AP5Z1: variants seen among roughly 807,000 people sequenced by gnomAD.
AP5Z1 encodes the protein AP-5 complex subunit zeta-1.
A neutral mutation model predicts 83.0 loss-of-function variants in AP5Z1; 106 were observed. That is an observed-to-expected ratio of 1.28 (90% CI 1.09 to 1.50). The LOEUF (loss-of-function observed/expected upper bound fraction) is 1.50. Among genes scored for constraint, AP5Z1 ranks in the 40% most tolerant of loss-of-function variants. The pLI, the probability that AP5Z1 is intolerant of heterozygous loss-of-function variation, is 0.00. For synonymous variants in AP5Z1, 751 were observed against 514.1 expected (o/e 1.46, Z -6.23); for missense variants, 1,565 against 1,094.2 (o/e 1.43, Z -6.07).
At position 4,791,986 on chromosome 7, in the gene AP5Z1, C is replaced by T. The variant is rs573113917; in HGVS notation, c.*601C>T. On this transcript the variant is annotated 3_prime_UTR_variant, in exon 17 of 17. Transcript: ENST00000649063. ...CGCTTGTCAATGCCCCTTTTGATGC[C>T]CTTGAATAGCCTGAAGATGAAGGGG... The T allele has an allele frequency of 1.3e-5, 2 of 152,698 alleles. No homozygotes were observed. Among genetic ancestry groups the T allele is most frequent in the Admixed American group, 6.5e-5 (1 of 15,326 alleles). 9.5% of individuals were successfully genotyped at this position (152,698 alleles called of 1,614,324 possible).
chr7:4,786,348 A>G lies in AP5Z1; in HGVS notation c.1231A>G (p.Ile411Val), dbSNP rs1304223703. ...FHSPMLAFEF[I>V]QFCRDNLHLF... ...CAGCCCCATGCTGGCCTTTGAATTC[A>G]TCCAGTTCTGCAGGGACAACCTCCA... Residue 411 changes from isoleucine (I) to valine (V), a missense_variant, in exon 10 of 17, where the codon ATC (isoleucine) becomes GTC (valine). Physicochemically the swap from Ile to Val is conservative, Grantham distance 29. Transcript: ENST00000649063. 1 of 1,613,888 alleles carries G rather than the reference A, an allele frequency of 6.2e-7. No homozygotes were observed. Among genetic ancestry groups the G allele is most frequent in the East Asian group, 2.2e-5 (1 of 44,874 alleles).
intron 3 of AP5Z1, among the ~76,000 whole-genome samples, chr7:4,782,085 C>T (rs918687405): frequency 2.8e-4 from 42 of 152,330 alleles, no homozygotes; most frequent in Admixed American, 7.8e-4. Flanking sequence ...CAGGGTCTCA[C>T]TCTGCTGTCC....
chr7:4,786,162 G>A (rs1000776196), intron 9 of AP5Z1, 88 bp from the exon 10 acceptor site: 1 of 1,373,896 alleles, frequency 7.3e-7, no homozygotes, highest in African/African-American at 1.5e-5. Context: ...CTGGAGAGCA[G>A]GCCTGAGACT....
intron 10 of AP5Z1, 44 bp from the exon 11 acceptor site, chr7:4,787,590 C>T: frequency 6.5e-7 from 1 of 1,531,002 alleles, no homozygotes. Flanking sequence ...GCCGCCTGCT[C>T]CACAGCTCCG....
chr7:4,789,600 C>A (rs547084520), intron 13 of AP5Z1, among the ~76,000 whole-genome samples: 37 of 152,236 alleles, frequency 2.4e-4, no homozygotes, highest in Admixed American at 7.8e-4. Context: ...GCAGAGGAGC[C>A]GTGGAACAGA....
In AP5Z1 at chr7:4,790,466, A is replaced by G; in HGVS notation, c.1813A>G (p.Ser605Gly). The G allele has an allele frequency of 6.2e-7, 1 of 1,613,086 alleles. No individual in the cohort carries two copies. The highest frequency in any genetic ancestry group is 8.5e-7 in the Non-Finnish European group (1 of 1,179,862). Reference sequence around the variant, plus strand: ...ACCCGGCTTTCTGGGCAGTGTGCTGAGTTCTCAGTTCCTGGCCCTGTGTAC... The same window carrying G: ...ACCCGGCTTTCTGGGCAGTGTGCTGGGTTCTCAGTTCCTGGCCCTGTGTAC... ...GYAAGVHSVLSSQFLALCTLK... is the reference protein window; with the variant it reads ...GYAAGVHSVLGSQFLALCTLK... Residue 605 changes from serine to glycine, a missense_variant, in exon 15 of 17, where the codon AGT becomes GGT. By Grantham distance (56) the Ser-to-Gly change is moderately conservative. Transcript: ENST00000649063.
chr7:4,776,290 C>T (rs538354914), intron 1 of AP5Z1, among the ~76,000 whole-genome samples: 2 of 151,502 alleles, frequency 1.3e-5, no homozygotes, highest in Non-Finnish European at 2.9e-5. Flanking sequence ...CAGGCTGTGT[C>T]TGGACTCCCA....
intron 12 of AP5Z1, 176 bp from the exon 13 acceptor site, chr7:4,788,664 G>T (rs1014463389): frequency 1.0e-5 from 6 of 582,112 alleles, no homozygotes; most frequent in Admixed American, 6.5e-5. Flanking sequence ...TTACTGTCCC[G>T]GGTGTGCTGA....
rs113014863 is a variant in AP5Z1, at chr7:4,787,637, C to T, written c.1315C>T (p.Leu439=). ...AACCGCTGTGCTGTGCCCACAGTTC[C>T]TGGCCTGGAACAGCCCACCCCTCAC... is the stretch of plus-strand genomic sequence containing the variant. The part of the protein sequence containing the change: ...RLSFPNLFKF[L]AWNSPPLTSE... The change falls in exon 11 of 17, where the codon CTG becomes TTG. Residue 439 remains leucine, a synonymous_variant. Coordinates refer to ENST00000649063, the MANE Select transcript of AP5Z1 (RefSeq NM_014855.3). 4.5e-4 allele frequency: 705 copies of T among 1,551,900 alleles called. 4 individuals carry two copies. In the African/African-American group the frequency reaches 8.2e-3, roughly 18 times the overall value.
intron 14 of AP5Z1, 120 bp from the exon 15 acceptor site, chr7:4,790,339 G>C (rs994102911): frequency 6.4e-7 from 1 of 1,560,996 alleles, no homozygotes; most frequent in East Asian, 2.4e-5. Context: ...TTCCTCTATC[G>C]GAGGGTGCAG....
chr7:4,788,397 T>C, intron 12 of AP5Z1, 103 bp downstream of exon 12: 1 of 1,351,078 alleles, frequency 7.4e-7, no homozygotes, highest in Non-Finnish European at 9.8e-7. Flanking sequence ...GCCAGGGTGC[T>C]TTGTGTCCCA....
Position 4,784,092 on chromosome 7 carries a change from G to A in AP5Z1, c.622-111G>A, listed in dbSNP as rs116181510. 4.9e-3 allele frequency: 6,539 copies of A among 1,331,214 alleles called. 238 individuals carry two copies. In the African/African-American group the frequency reaches 0.081, roughly 16 times the overall value. The allele number at this position is 1,331,214 out of a possible 1,614,324, so 82.5% of individuals were successfully genotyped here. ...CATCACACAGGGCGGGCCGCTGCCC[G>A]GGCTCATGTTCAGGCAGCTTCTCCT... On this transcript the variant is annotated intron_variant, in intron 5 of 16. Coordinates refer to ENST00000649063, the MANE Select transcript of AP5Z1 (RefSeq NM_014855.3).
At position 4,788,947 on chromosome 7, in the gene AP5Z1, C is replaced by T. The variant is rs749398092; in HGVS notation, c.1703C>T (p.Thr568Ile). The T allele has an allele frequency of 5.0e-6, 8 of 1,610,798 alleles. No homozygotes were observed. The highest frequency in any genetic ancestry group is 2.2e-5 in the East Asian group (1 of 44,822). ...CTGCAGGCATTCTTCTCAGCAGTGACCCAGGTGAGCTCGCTGCCTGGGGCC... is the reference window on the plus strand; with the variant it reads ...CTGCAGGCATTCTTCTCAGCAGTGATCCAGGTGAGCTCGCTGCCTGGGGCC... ...TLLQAFFSAVTQVADGSLINQ... is the reference protein window; with the variant it reads ...TLLQAFFSAVIQVADGSLINQ... Residue 568 changes from threonine (T) to isoleucine (I), a missense_variant, in exon 13 of 17, where the codon ACC (threonine) becomes ATC (isoleucine). Thr to Ile is a moderately conservative substitution (Grantham distance 89). Coordinates refer to ENST00000649063, the MANE Select transcript of AP5Z1 (RefSeq NM_014855.3).
intron 9 of AP5Z1, 82 bp from the exon 10 acceptor site, chr7:4,786,168 A>C: frequency 7.2e-7 from 1 of 1,398,082 alleles, no homozygotes; most frequent in Non-Finnish European, 9.5e-7. Flanking sequence ...AGCAGGCCTG[A>C]GACTCAGGGC....
At chr7:4,779,378 CAT>C (rs145590555) in intron 1 of AP5Z1, among the ~76,000 whole-genome samples, 9 of 146,406 alleles carry the variant, frequency 6.1e-5, no homozygotes, top group East Asian at 3.9e-4. Context: ...TGTTATATGT[CAT>C]ATAACATGAT....
At position 4,791,654 on chromosome 7, in the gene AP5Z1, G is replaced by T. The variant is rs1014637952; in HGVS notation, c.*269G>T. Reference sequence around the variant, plus strand: ...TCTGATTGGAGGCTTGAGGCCCTGTGGCTGGGTCGGGTGGAGGCTGCTGGG... The same window carrying T: ...TCTGATTGGAGGCTTGAGGCCCTGTTGCTGGGTCGGGTGGAGGCTGCTGGG... On this transcript the variant is annotated 3_prime_UTR_variant, in exon 17 of 17. Transcript: ENST00000649063. 73 of 527,440 alleles carry T rather than the reference G, an allele frequency of 1.4e-4. No homozygotes were observed. Among genetic ancestry groups the T allele is most frequent in the Admixed American group, 2.1e-4 (6 of 29,092 alleles). 32.7% of individuals were successfully genotyped at this position (527,440 alleles called of 1,614,324 possible). A position where few individuals can be genotyped will look rare whatever the true frequency, so the allele number is the denominator to read the frequency against.
intron 1 of AP5Z1, among the ~76,000 whole-genome samples, chr7:4,778,961 G>A (rs890514511): frequency 6.8e-6 from 1 of 146,812 alleles, no homozygotes; most frequent in African/African-American, 2.5e-5. Context: ...TGAGCTAGAA[G>A]ATCAGGCTGC....
rs1291484434 is a variant in AP5Z1 at position 4,789,689 on chromosome 7, G to T, written c.1708-143G>T. 3.2e-5 allele frequency: 19 copies of T among 599,936 alleles called. No homozygotes were observed. In the East Asian group the frequency reaches 5.7e-4, roughly 18 times the overall value. 37.2% of individuals were successfully genotyped at this position (599,936 alleles called of 1,614,324 possible). On this transcript the variant is annotated intron_variant, in intron 13 of 16. Transcript: ENST00000649063. ...CCCGGATGCTGCCAGCTGAGTCTCT[G>T]TGTCCCTGGGTGTTGGGGAAGGCAG...
At chr7:4,788,664 G>A (rs1014463389) in intron 12 of AP5Z1, 176 bp from the exon 13 acceptor site, 13 of 581,994 alleles carry the variant, frequency 2.2e-5, no homozygotes, top group South Asian at 1.0e-4. Context: ...TTACTGTCCC[G>A]GGTGTGCTGA....
Sources: gnomAD v4.1 joint callset for allele counts (sites outside exome capture counted in the v4.1 genomes callset) on GRCh38, gnomAD v4.1.1 for gene constraint, MANE v1.5 for transcripts, NCBI Gene and HGNC (gene_info 2026-07-23, HGNC 2026-07-21) for gene names.